The following LRP1B variants were observed in gnomAD, a reference collection of about 807,000 sequenced individuals.
The protein encoded by LRP1B is LDL receptor related protein 1B.
LRP1B carries 217 observed loss-of-function variants against 556.6 expected under a neutral mutation model. The ratio of observed to expected loss-of-function variants is 0.39; its 90% CI spans 0.35 to 0.44. The LOEUF is 0.44. Among genes scored for constraint, LRP1B ranks in the 20% least tolerant of loss-of-function variants. LRP1B has a pLI of 1.00. For synonymous variants in LRP1B, 2,047 were observed against 1,865.8 expected (o/e 1.10, Z -2.50); for missense variants, 5,053 against 5,620.8 (o/e 0.90, Z 3.23).
chr2:140,483,462 T>C (rs1324331449), intron 59 of LRP1B, among the ~76,000 whole-genome samples: 3 of 151,334 alleles, frequency 2.0e-5, no homozygotes, highest in East Asian at 3.9e-4. Context: ...AAACAGGTAA[T>C]GTTTCTTTCA....
In LRP1B at chr2:140,457,638, A is replaced by C. The variant is rs764799618; in HGVS notation, c.9639T>G (p.Asp3213Glu). Residue 3213 changes from aspartate to glutamate, a missense_variant, in exon 61 of 91, where the codon GAT (aspartate) becomes GAG (glutamate). Physicochemically the swap from Asp to Glu is conservative, Grantham distance 45 (BLOSUM62 2). Coordinates refer to ENST00000389484, the MANE Select transcript of LRP1B (RefSeq NM_018557.3). ...ATGTTAGTGCAATCACCCCTGGAAT[A>C]TCTTGATTAGGGACTGTAATAGGAG... ...GSHRHKVPNQDIPGVIALTLF... is the reference protein window; with the variant it reads ...GSHRHKVPNQEIPGVIALTLF... The C allele has an allele frequency of 6.2e-7, 1 of 1,613,052 alleles. No individual in the cohort carries two copies.
chr2:140,756,981 C>A (rs1049513409), intron 35 of LRP1B, among the ~76,000 whole-genome samples: 2 of 151,898 alleles, frequency 1.3e-5, no homozygotes, highest in African/African-American at 4.8e-5. Context: ...GACAAAGACC[C>A]CAGTAATAAA....
chr2:140,595,380 T>C (rs1372112970), intron 43 of LRP1B, among the ~76,000 whole-genome samples: 1 of 151,864 alleles, frequency 6.6e-6, no homozygotes, highest in Admixed American at 6.6e-5. Context: ...GATAGTGCTG[T>C]TTATAAAGGT....
At chr2:140,309,238 A>C (rs983325927) in intron 83 of LRP1B, among the ~76,000 whole-genome samples, 4 of 146,808 alleles carry the variant, frequency 2.7e-5, no homozygotes, top group African/African-American at 1.1e-4. Context: ...GACAAAGAAA[A>C]AGAAGAATTG....
chr2:141,065,845 A>G (rs1469809529), intron 7 of LRP1B, among the ~76,000 whole-genome samples: 1 of 151,992 alleles, frequency 6.6e-6, no homozygotes, highest in African/African-American at 2.4e-5. Flanking sequence ...TCCCCGCACC[A>G]GGAACCAAGG....
chr2:140,624,467 G>A (rs552845118), intron 41 of LRP1B, among the ~76,000 whole-genome samples: 1 of 152,220 alleles, frequency 6.6e-6, no homozygotes, highest in South Asian at 2.1e-4. Flanking sequence ...GATTCATCTA[G>A]CAAATCTGAC....
At chr2:141,253,915 T>A (rs1249185060) in intron 4 of LRP1B, among the ~76,000 whole-genome samples, 1 of 152,042 alleles carries the variant, frequency 6.6e-6, no homozygotes, top group Non-Finnish European at 1.5e-5. Context: ...TGTGGATATG[T>A]TATATATACA....
intron 21 of LRP1B, 79 bp downstream of exon 21, chr2:140,922,886 G>A: frequency 8.3e-7 from 1 of 1,210,284 alleles, no homozygotes; most frequent in Admixed American, 2.3e-5. Flanking sequence ...TTACAAAGGT[G>A]AGATACAGAT....
chr2:141,256,693 G>A (rs1684477965), intron 3 of LRP1B, among the ~76,000 whole-genome samples: 1 of 152,054 alleles, frequency 6.6e-6, no homozygotes, highest in Non-Finnish European at 1.5e-5. Context: ...AATGAATTAA[G>A]TACAACAGAA....
intron 7 of LRP1B, among the ~76,000 whole-genome samples, chr2:141,155,258 T>G (rs1372124942): frequency 6.6e-6 from 1 of 151,660 alleles, no homozygotes; most frequent in African/African-American, 2.4e-5. Flanking sequence ...AAAAATAAAT[T>G]TAATGTTCAG....
At chr2:141,653,211 G>A (rs1057160216) in intron 2 of LRP1B, among the ~76,000 whole-genome samples, 5 of 152,158 alleles carry the variant, frequency 3.3e-5, no homozygotes, top group Non-Finnish European at 5.9e-5. Context: ...AAAGCTTGGT[G>A]AGGACATGGC....
At chr2:140,432,316 A>G (rs2105285398) in intron 66 of LRP1B, among the ~76,000 whole-genome samples, 1 of 152,120 alleles carries the variant, frequency 6.6e-6, no homozygotes, top group East Asian at 1.9e-4. Flanking sequence ...CTCTTTTCGG[A>G]CTCAGCCCGC....
chr2:141,112,071 TAATA>T (rs71391645), intron 7 of LRP1B, among the ~76,000 whole-genome samples: 5 of 145,754 alleles, frequency 3.4e-5, no homozygotes, highest in African/African-American at 1.0e-4. Flanking sequence ...AATAAATAAA[TAATA>T]AATAAATAAA....
intron 2 of LRP1B, among the ~76,000 whole-genome samples, chr2:141,647,406 T>C (rs1300948704): frequency 1.3e-5 from 2 of 152,142 alleles, no homozygotes; most frequent in East Asian, 1.9e-4. Flanking sequence ...TCACTGAGTG[T>C]TGGGGGTTAA....
chr2:141,892,850 CAT>C lies in LRP1B; in HGVS notation c.83-82451_83-82450del, dbSNP rs200993048. The stretch of plus-strand genomic sequence containing the variant: ...TTATGTTAAAGTTTTGAGAAATTCA[CAT>C]ATGTGTGAAATTTGCATGTAAATTG... On this transcript the variant is annotated intron_variant, in intron 1 of 90. Coordinates refer to ENST00000389484, the MANE Select transcript of LRP1B (RefSeq NM_018557.3). Among the ~76,000 whole-genome samples the C allele has an allele frequency of 6.2e-3, 938 of 152,210 alleles. 16 individuals are homozygous for C. The highest frequency in any genetic ancestry group is 0.022 in the African/African-American group (901 of 41,536).
At chr2:141,448,364 G>T (rs1681277376) in intron 3 of LRP1B, among the ~76,000 whole-genome samples, 1 of 152,192 alleles carries the variant, frequency 6.6e-6, no homozygotes, top group Non-Finnish European at 1.5e-5. Context: ...TGTGGGGTGG[G>T]ATCTGCTGAG....
intron 66 of LRP1B, among the ~76,000 whole-genome samples, chr2:140,402,714 C>G (rs567609412): frequency 3.3e-5 from 5 of 152,138 alleles, no homozygotes; most frequent in Non-Finnish European, 7.3e-5. Flanking sequence ...GCTACCCCAG[C>G]CACCCTCATA....
intron 11 of LRP1B, among the ~76,000 whole-genome samples, chr2:141,027,818 TAAG>T (rs1280375217): frequency 1.3e-5 from 2 of 152,216 alleles, no homozygotes; most frequent in African/African-American, 2.4e-5. Context: ...AGTGCCCTTA[TAAG>T]AAGAGACCAG....
intron 11 of LRP1B, among the ~76,000 whole-genome samples, chr2:141,048,297 T>A (rs1698937746): frequency 6.6e-6 from 1 of 152,100 alleles, no homozygotes; most frequent in Non-Finnish European, 1.5e-5. Flanking sequence ...TTTGATTTAT[T>A]ATTTGCAATC....
Sources: allele counts gnomAD v4.1 joint callset (sites outside exome capture counted in the v4.1 genomes callset), GRCh38; gene constraint gnomAD v4.1.1; transcripts MANE v1.5; gene names NCBI Gene and HGNC (gene_info 2026-07-23, HGNC 2026-07-21).